Variants in MTMR2 observed in about 807,000 individuals in gnomAD.
MTMR2 encodes the protein phosphatidylinositol-3,5-bisphosphate 3-phosphatase MTMR2.
In MTMR2, 55 loss-of-function variants were observed where a neutral mutation model predicts 86.9. The observed-to-expected ratio is 0.63, with a 90% CI of 0.51 to 0.79. The LOEUF (loss-of-function observed/expected upper bound fraction) is 0.79, where lower values mean the gene tolerates loss of function less well. MTMR2 is among the 30% of genes least tolerant of loss of function. The pLI, the probability that MTMR2 is intolerant of heterozygous loss-of-function variation, is 0.00. For missense variants in MTMR2, 659 were observed against 772.3 expected, an observed-to-expected ratio of 0.85 and a Z score of 1.74; for synonymous variants, 241 against 266.8, an observed-to-expected ratio of 0.90 and a Z score of 0.94.
chr11:95,866,079 C>T (rs1469850854), intron 2 of MTMR2, among the ~76,000 whole-genome samples: 16 of 104,972 alleles, frequency 1.5e-4, no homozygotes, highest in Admixed American at 1.5e-3. Context: ...GAATGGATTC[C>T]AAAGCCATGC....
chr11:95,868,331 T>C (rs1299020283), intron 2 of MTMR2, among the ~76,000 whole-genome samples: 2 of 67,526 alleles, frequency 3.0e-5, no homozygotes, highest in South Asian at 8.8e-4. Flanking sequence ...AAAAAAGAAA[T>C]AGAGTAGAAA....
intron 2 of MTMR2, among the ~76,000 whole-genome samples, chr11:95,872,477 T>C (rs1227037874): frequency 6.6e-6 from 1 of 152,214 alleles, no homozygotes; most frequent in Non-Finnish European, 1.5e-5. Context: ...TCCTGAGACT[T>C]TGCTGAAGTT....
chr11:95,839,647 C>G (rs1363325417), intron 12 of MTMR2, among the ~76,000 whole-genome samples: 2 of 152,112 alleles, frequency 1.3e-5, no homozygotes, highest in East Asian at 3.9e-4. Context: ...TTCCTGATCT[C>G]AGGGCTGAGG....
chr11:95,864,905 T>C lies in MTMR2; in HGVS notation c.262+696A>G, dbSNP rs577004846. Among the ~76,000 whole-genome samples the C allele has an allele frequency of 5.9e-5, 9 of 152,306 alleles. No individual in the cohort carries two copies. In the South Asian group the frequency reaches 1.9e-3, roughly 32 times the overall value. ...GTAACAAAATGAAACATGGTAGTTA[T>C]ATTAACTAAGAAATCATTTACTTCA... On this transcript the variant is annotated intron_variant, in intron 3 of 14. Transcript: ENST00000346299.
At chr11:95,853,064 G>T (rs1864082604) in intron 7 of MTMR2, among the ~76,000 whole-genome samples, 2 of 148,586 alleles carry the variant, frequency 1.3e-5, no homozygotes, top group Non-Finnish European at 3.0e-5. Context: ...TATATACACA[G>T]TTCACTGTAC....
At chr11:95,871,853 T>A (rs1449750315) in intron 2 of MTMR2, among the ~76,000 whole-genome samples, 2 of 152,300 alleles carry the variant, frequency 1.3e-5, no homozygotes, top group South Asian at 2.1e-4. Flanking sequence ...TCTTCTAGGG[T>A]TTTTATGGTT....
intron 1 of MTMR2, among the ~76,000 whole-genome samples, chr11:95,911,483 G>A (rs1016293928): frequency 6.6e-6 from 1 of 152,102 alleles, no homozygotes; most frequent in Non-Finnish European, 1.5e-5. Context: ...GGAGACAGGG[G>A]TGAGGACTGG....
At chr11:95,850,842 C>T in intron 7 of MTMR2, 93 bp from the exon 8 acceptor site, 3 of 1,149,574 alleles carry the variant, frequency 2.6e-6, no homozygotes, top group Non-Finnish European at 3.9e-6. Context: ...TCTCTCTGAC[C>T]TCTACTATCC....
intron 1 of MTMR2, among the ~76,000 whole-genome samples, chr11:95,906,700 A>C (rs1866290554): frequency 6.6e-6 from 1 of 152,176 alleles, no homozygotes; most frequent in Non-Finnish European, 1.5e-5. Context: ...CTTGGATCAC[A>C]GTGCAATAAA....
At chr11:95,859,387 A>C (rs569127236) in intron 5 of MTMR2, among the ~76,000 whole-genome samples, 148 of 152,340 alleles carry the variant, frequency 9.7e-4, no homozygotes, top group African/African-American at 3.5e-3. Flanking sequence ...TGGTATCTTA[A>C]CAGCACTTAG....
chr11:95,845,838 ATAAT>A (rs1229425625), intron 10 of MTMR2, among the ~76,000 whole-genome samples: 1 of 151,412 alleles, frequency 6.6e-6, no homozygotes, highest in Non-Finnish European at 1.5e-5. Context: ...AAAACTAAAC[ATAAT>A]TAGATATAAC....
chr11:95,913,655 C>T (rs944167283), intron 1 of MTMR2, among the ~76,000 whole-genome samples: 1 of 151,992 alleles, frequency 6.6e-6, no homozygotes, highest in Non-Finnish European at 1.5e-5. Context: ...TGATATAATT[C>T]ATTTCAGCAC....
At chr11:95,841,957 G>A (rs1224362146) in intron 11 of MTMR2, among the ~76,000 whole-genome samples, 2 of 152,128 alleles carry the variant, frequency 1.3e-5, no homozygotes, top group African/African-American at 4.8e-5. Context: ...AGCCAGGCAT[G>A]GTGGCGTGCA....
chr11:95,898,875 A>G (rs1450679042), intron 1 of MTMR2, among the ~76,000 whole-genome samples: 1 of 152,192 alleles, frequency 6.6e-6, no homozygotes, highest in African/African-American at 2.4e-5. Context: ...GCAAAGGAAC[A>G]GCATGAAAAA....
chr11:95,835,519 A>G, intron 14 of MTMR2, 68 bp from the exon 15 acceptor site: 2 of 1,514,926 alleles, frequency 1.3e-6, no homozygotes, highest in South Asian at 1.1e-5. Flanking sequence ...ATCATTCCCT[A>G]AATGTTGCAG....
chr11:95,900,559 A>G (rs903119124), intron 1 of MTMR2, among the ~76,000 whole-genome samples: 2 of 152,206 alleles, frequency 1.3e-5, no homozygotes, highest in African/African-American at 4.8e-5. Context: ...GACTGCCTCA[A>G]CTTCTTGCCC....
chr11:95,897,174 G>C (rs1376429468), intron 1 of MTMR2, among the ~76,000 whole-genome samples: 1 of 151,982 alleles, frequency 6.6e-6, no homozygotes, highest in African/African-American at 2.4e-5. Context: ...TACAATGTTA[G>C]GGACTTAAAG....
At chr11:95,871,136 T>C (rs1864864960) in intron 2 of MTMR2, among the ~76,000 whole-genome samples, 1 of 152,220 alleles carries the variant, frequency 6.6e-6, no homozygotes, top group Non-Finnish European at 1.5e-5. Context: ...CAATCTATCA[T>C]TGTTGGACAT....
intron 1 of MTMR2, among the ~76,000 whole-genome samples, chr11:95,921,302 T>A (rs900965330): frequency 1.3e-5 from 2 of 152,170 alleles, no homozygotes; most frequent in African/African-American, 4.8e-5. Context: ...CAAAACAAAT[T>A]CCAAAGGCAG....
Sources: allele counts gnomAD v4.1 joint callset (sites outside exome capture counted in the v4.1 genomes callset), GRCh38; gene constraint gnomAD v4.1.1; transcripts MANE v1.5; gene names NCBI Gene and HGNC (gene_info 2026-07-23, HGNC 2026-07-21).